The following PXK variants were observed in gnomAD, a reference collection of about 807,000 sequenced individuals.
The protein encoded by PXK is PX domain containing serine/threonine kinase like.
Under a neutral mutation model 84.7 loss-of-function variants are expected in PXK, and 35 were observed. The ratio of observed to expected loss-of-function variants is 0.41; its 90% CI spans 0.32 to 0.55. The LOEUF is 0.55. Ranked by LOEUF, PXK falls within the 20% of genes least tolerant of loss-of-function variation. The pLI is 0.21. For missense variants in PXK, 634 were observed against 699.7 expected (o/e 0.91, Z 1.06); for synonymous variants, 253 against 260.8 (o/e 0.97, Z 0.29).
chr3:58,352,391 C>A (rs903769131), intron 1 of PXK, among the ~76,000 whole-genome samples: 1 of 152,200 alleles, frequency 6.6e-6, no homozygotes. Context: ...TCATTTCCAG[C>A]GGATCCGAGT....
Position 58,397,249 on chromosome 3 carries a change from T to G in PXK, c.984+49T>G, listed in dbSNP as rs1353720297. 8.9e-6 allele frequency: 14 copies of G among 1,579,366 alleles called. No homozygotes were observed. The highest frequency in any genetic ancestry group is 1.2e-5 in the Non-Finnish European group (14 of 1,151,506). ...AGCAGGTTCATTTTTAGGTGTCAGT[T>G]ATCCCCATGATCTGCCCATGTAGGA... On this transcript the variant is annotated intron_variant, in intron 10 of 17. Transcript: ENST00000356151. The surrounding 1 kb of genome is among the most constrained non-coding windows in gnomAD (Gnocchi z 4.7).
chr3:58,338,872 AG>A (rs2097674345), intron 1 of PXK, among the ~76,000 whole-genome samples: 1 of 151,828 alleles, frequency 6.6e-6, no homozygotes, highest in South Asian at 2.1e-4. Flanking sequence ...TAGTAGAGAC[AG>A]GGTTTCACCA....
rs1384325582 is a variant in PXK at position 58,397,763 on chromosome 3, T to G, written c.1102+41T>G. The stretch of plus-strand genomic sequence containing the variant: ...GGAAGGGTCTTCTGGGCCCTAGTAG[T>G]GTGCAGAGCCACTCATCCCCTTTCC... On this transcript the variant is annotated intron_variant, in intron 11 of 17. Transcript: ENST00000356151. The surrounding 1 kb of genome is among the most constrained non-coding windows in gnomAD (Gnocchi z 4.7). The G allele has an allele frequency of 2.7e-6, 4 of 1,487,408 alleles. No homozygotes were observed. In the South Asian group the frequency reaches 4.5e-5, roughly 17 times the overall value. 92.1% of individuals were successfully genotyped at this position (1,487,408 alleles called of 1,614,324 possible).
Position 58,333,440 on chromosome 3 carries a change from T to C in PXK, c.102+350T>C. On this transcript the variant is annotated intron_variant, in intron 1 of 17. Transcript: ENST00000356151. This position sits in a 1 kb window ranked among gnomAD's most constrained non-coding sequence, Gnocchi z 5.4. The stretch of plus-strand genomic sequence containing the variant: ...ACTAGGGGAGCAGGAACGAGACCGC[T>C]CAGGACCATCCACTTCTGCCCGCCG... The C allele has an allele frequency of 2.3e-6, 1 of 430,246 alleles. No homozygotes were observed. The highest frequency in any genetic ancestry group is 4.7e-6 in the Non-Finnish European group (1 of 212,228). 26.7% of individuals were successfully genotyped at this position (430,246 alleles called of 1,614,324 possible).
At position 58,378,291 on chromosome 3, in the gene PXK, G is replaced by A. The variant is rs373897028; in HGVS notation, c.202-4223G>A. 2.8e-4 allele frequency among the ~76,000 whole-genome samples: 42 copies of A among 152,120 alleles called. No individual in the cohort carries two copies. In the South Asian group the frequency reaches 3.7e-3, roughly 14 times the overall value. On this transcript the variant is annotated intron_variant, in intron 3 of 17. Coordinates refer to ENST00000356151, the MANE Select transcript of PXK (RefSeq NM_017771.5). The stretch of plus-strand genomic sequence containing the variant: ...GAGGAAAGAGCTAAAGGTTTGTCCA[G>A]TAAAACAGCTGCATAGGGTCATCTG...
chr3:58,397,498 C>A lies in PXK; in HGVS notation c.985-107C>A. On this transcript the variant is annotated intron_variant, in intron 10 of 17. Coordinates refer to ENST00000356151, the MANE Select transcript of PXK (RefSeq NM_017771.5). The surrounding 1 kb of genome is among the most constrained non-coding windows in gnomAD (Gnocchi z 4.7). ...TTGCATTTACGTTACCAATTAGGAA[C>A]GGGGCTATCCCTGGGCTTTGTTTCT... 1 of 972,486 alleles carries A rather than the reference C, an allele frequency of 1.0e-6. No individual in the cohort carries two copies. The highest frequency in any genetic ancestry group is 1.6e-6 in the Non-Finnish European group (1 of 612,190). The allele number at this position is 972,486 out of a possible 1,614,324, so 60.2% of individuals were successfully genotyped here.
Position 58,400,264 on chromosome 3 carries a change from C to T in PXK, c.1181+887C>T, listed in dbSNP as rs969792585. On this transcript the variant is annotated intron_variant, in intron 12 of 17. Coordinates refer to ENST00000356151, the MANE Select transcript of PXK (RefSeq NM_017771.5). This position sits in a 1 kb window ranked among gnomAD's most constrained non-coding sequence, Gnocchi z 4.0. ...ATGTGCTCATTAAGTGTTAGTTATG[C>T]TTACTACTGAATCAGCTGATCTTTT... Among the ~76,000 whole-genome samples, 1 of 152,156 alleles carries T rather than the reference C, an allele frequency of 6.6e-6. No homozygotes were observed. The highest frequency in any genetic ancestry group is 2.4e-5 in the African/African-American group (1 of 41,434).
Position 58,364,485 on chromosome 3 carries a change from G to C in PXK, c.103-1389G>C, listed in dbSNP as rs1436427007. On this transcript the variant is annotated intron_variant, in intron 1 of 17. Coordinates refer to ENST00000356151, the MANE Select transcript of PXK (RefSeq NM_017771.5). This position sits in a 1 kb window ranked among gnomAD's most constrained non-coding sequence, Gnocchi z 4.3. ...CCAGCACTTTGGGAGGCCGAGGTGG[G>C]CGGATTACTTGAGGTCAGGAGTTCG... Among the ~76,000 whole-genome samples, 3 of 152,174 alleles carry C rather than the reference G, an allele frequency of 2.0e-5. No individual in the cohort carries two copies. The highest frequency in any genetic ancestry group is 4.4e-5 in the Non-Finnish European group (3 of 68,046).
At chr3:58,392,499 T>A (rs1284339690) in intron 7 of PXK, among the ~76,000 whole-genome samples, 1 of 152,170 alleles carries the variant, frequency 6.6e-6, no homozygotes, top group East Asian at 1.9e-4. Context: ...ACAATTACAC[T>A]GACTTGTGCA....
Position 58,394,355 on chromosome 3 carries a change from C to A in PXK, c.616-643C>A, listed in dbSNP as rs1212601359. ...ATTAAATAATTTGTCTTTTCTCCAC[C>A]CCAGTTGCTTAATGTCAGTTTCTCC... On this transcript the variant is annotated intron_variant, in intron 7 of 17. Coordinates refer to ENST00000356151, the MANE Select transcript of PXK (RefSeq NM_017771.5). Among the ~76,000 whole-genome samples, 3 of 152,172 alleles carry A rather than the reference C, an allele frequency of 2.0e-5. No homozygotes were observed. The East Asian group carries it at 5.8e-4, about 29-fold the overall frequency.
intron 7 of PXK, among the ~76,000 whole-genome samples, chr3:58,392,477 A>G (rs2098640599): frequency 6.6e-6 from 1 of 152,176 alleles, no homozygotes; most frequent in Admixed American, 6.5e-5. Flanking sequence ...ATGAATCACT[A>G]GCGAACTGAA....
At chr3:58,386,290 C>CTTTTTTTTTTATTTTTT (rs2098550307) in intron 4 of PXK, among the ~76,000 whole-genome samples, 1 of 82,252 alleles carries the variant, frequency 1.2e-5, no homozygotes, top group Non-Finnish European at 2.1e-5. Context: ...ATCCCCCTTA[C>CTTTTTTTTTTATTTTTT]TTTTTTTTTT....
At chr3:58,420,919 C>T (rs1423230608) in intron 17 of PXK, 1 of 1,113,452 alleles carries the variant, frequency 9.0e-7, no homozygotes, top group African/African-American at 1.7e-5. Context: ...ATGTTGATTC[C>T]TAGTTACTCT....
chr3:58,389,695 G>A (rs189246978), intron 4 of PXK, among the ~76,000 whole-genome samples: 10 of 150,890 alleles, frequency 6.6e-5, no homozygotes, highest in South Asian at 2.1e-4. Context: ...AAAACCACAC[G>A]CACCAGAAAT....
rs753786961 is a variant in PXK, at chr3:58,414,556, T to C, written c.1528+1593T>C. 1 of 152,114 alleles carries C rather than the reference T, an allele frequency of 6.6e-6. No individual in the cohort carries two copies. The highest frequency in any genetic ancestry group is 1.5e-5 in the Non-Finnish European group (1 of 68,032). 9.4% of individuals were successfully genotyped at this position (152,114 alleles called of 1,614,324 possible). A position where few individuals can be genotyped will look rare whatever the true frequency, so the allele number is the denominator to read the frequency against. The stretch of plus-strand genomic sequence containing the variant: ...GAATCTTGTATAATTAGAGTCAATG[T>C]TGGGAAAACTTGGAGGTGAGTGGGA... On this transcript the variant is annotated intron_variant, in intron 17 of 17. Coordinates refer to ENST00000356151, the MANE Select transcript of PXK (RefSeq NM_017771.5). The surrounding 1 kb of genome is among the most constrained non-coding windows in gnomAD (Gnocchi z 4.5).
chr3:58,376,794 C>T (rs1034194914), intron 3 of PXK, among the ~76,000 whole-genome samples: 1 of 152,050 alleles, frequency 6.6e-6, no homozygotes, highest in Non-Finnish European at 1.5e-5. Flanking sequence ...CGTGTACCAC[C>T]ATGCCTGACT....
chr3:58,395,844 A>G (rs1440486704), intron 9 of PXK, 85 bp downstream of exon 9: 2 of 1,093,008 alleles, frequency 1.8e-6, no homozygotes, highest in South Asian at 1.4e-5. Context: ...GTAATATCCA[A>G]AATTACTTAA....
chr3:58,386,669 C>G (rs948907517), intron 4 of PXK, among the ~76,000 whole-genome samples: 1 of 152,158 alleles, frequency 6.6e-6, no homozygotes. Flanking sequence ...CTTCCTGCCT[C>G]AGTCCTTATA....
chr3:58,397,828 C>T lies in PXK; in HGVS notation c.1102+106C>T. The T allele has an allele frequency of 2.4e-6, 2 of 833,264 alleles. No individual in the cohort carries two copies. Among genetic ancestry groups the T allele is most frequent in the South Asian group, 1.9e-5 (1 of 51,402 alleles). 51.6% of individuals were successfully genotyped at this position (833,264 alleles called of 1,614,324 possible). A position where few individuals can be genotyped will look rare whatever the true frequency, so the allele number is the denominator to read the frequency against. On this transcript the variant is annotated intron_variant, in intron 11 of 17. Transcript: ENST00000356151. The surrounding 1 kb of genome is among the most constrained non-coding windows in gnomAD (Gnocchi z 4.7). ...ACCCAGAGGAAGTTGCTGTCCTCCA[C>T]AGCCAGAAATTCTTACAAAATTTAA...
Sources: gnomAD v4.1 joint callset for allele counts (sites outside exome capture counted in the v4.1 genomes callset) on GRCh38, gnomAD v4.1.1 for gene constraint, Gnocchi (gnomAD v3.1) non-coding constraint, MANE v1.5 for transcripts, NCBI Gene and HGNC (gene_info 2026-07-23, HGNC 2026-07-21) for gene names.